The following GRIK2 variants were observed in gnomAD, a reference collection of about 807,000 sequenced individuals.
GRIK2 encodes the protein glutamate receptor ionotropic, kainate 2.
GRIK2 carries 32 observed loss-of-function variants against 100.3 expected under a neutral mutation model. The ratio of observed to expected loss-of-function variants is 0.32; its 90% CI spans 0.24 to 0.43. The LOEUF (loss-of-function observed/expected upper bound fraction) is 0.43, where lower values mean the gene tolerates loss of function less well. GRIK2 is among the 20% of genes least tolerant of loss of function. The probability of loss-of-function intolerance (pLI) is 1.00; values close to 1 mark genes in which losing one functional copy is unlikely to be tolerated. For synonymous variants in GRIK2, 417 were observed against 389.4 expected, an observed-to-expected ratio of 1.07 and a Z score of -0.83; for missense variants, 843 against 1,114.9, an observed-to-expected ratio of 0.76 and a Z score of 3.47.
chr6:102,048,168 G>A (rs1027408307), intron 15 of GRIK2, among the ~76,000 whole-genome samples: 36 of 151,116 alleles, frequency 2.4e-4, no homozygotes, highest in African/African-American at 7.0e-4. Flanking sequence ...AGCAGAAGAC[G>A]TAATTTGGTC....
intron 7 of GRIK2, among the ~76,000 whole-genome samples, chr6:101,732,061 A>G (rs1459086206): frequency 6.6e-6 from 1 of 152,094 alleles, no homozygotes; most frequent in Non-Finnish European, 1.5e-5. Flanking sequence ...CACAAAAATT[A>G]TTATATAATA....
At chr6:101,755,724 T>G (rs1422150345) in intron 7 of GRIK2, among the ~76,000 whole-genome samples, 2 of 152,142 alleles carry the variant, frequency 1.3e-5, no homozygotes, top group Admixed American at 6.6e-5. Context: ...TTTTTGACAT[T>G]TGGAACAGAG....
chr6:101,893,752 A>G (rs1787256890), intron 12 of GRIK2, among the ~76,000 whole-genome samples: 1 of 151,688 alleles, frequency 6.6e-6, no homozygotes, highest in Admixed American at 6.6e-5. Context: ...TATTTATTCA[A>G]CAATATCTAT....
intron 2 of GRIK2, among the ~76,000 whole-genome samples, chr6:101,532,572 A>G (rs1243677924): frequency 6.6e-6 from 1 of 150,672 alleles, no homozygotes; most frequent in Non-Finnish European, 1.5e-5. Flanking sequence ...TGTGTCCTTA[A>G]TATAACACTT....
At chr6:101,393,862 G>A (rs997453191) in intron 1 of GRIK2, among the ~76,000 whole-genome samples, 25 bp downstream of exon 1, 1 of 152,002 alleles carries the variant, frequency 6.6e-6, no homozygotes, top group African/African-American at 2.4e-5. Context: ...GCTGTGGGCT[G>A]CACTCCGGGC....
chr6:101,558,374 C>T (rs2207957), intron 2 of GRIK2, among the ~76,000 whole-genome samples: 2 of 152,136 alleles, frequency 1.3e-5, no homozygotes, highest in Non-Finnish European at 2.9e-5. Context: ...AGTGCTCTAA[C>T]ACAACTGTGT....
chr6:102,041,509 C>T (rs1315197383), intron 15 of GRIK2, among the ~76,000 whole-genome samples: 4 of 151,494 alleles, frequency 2.6e-5, no homozygotes, highest in African/African-American at 9.7e-5. Flanking sequence ...TTTGCATTTG[C>T]TGACCCTCAT....
At chr6:101,867,951 T>A (rs1380138412) in intron 11 of GRIK2, among the ~76,000 whole-genome samples, 1 of 151,726 alleles carries the variant, frequency 6.6e-6, no homozygotes, top group Non-Finnish European at 1.5e-5. Context: ...CAATGTACAC[T>A]ATTAAGTTCC....
chr6:101,601,628 A>G (rs1779217418), intron 2 of GRIK2, among the ~76,000 whole-genome samples: 1 of 151,914 alleles, frequency 6.6e-6, no homozygotes, highest in African/African-American at 2.4e-5. Flanking sequence ...TGATCTGTTC[A>G]GGGTTTTAGT....
chr6:101,741,477 C>G (rs769360059), intron 7 of GRIK2, among the ~76,000 whole-genome samples: 4 of 152,112 alleles, frequency 2.6e-5, no homozygotes, highest in African/African-American at 4.8e-5. Flanking sequence ...ACATTGCAAA[C>G]CCTCAGGAGT....
At chr6:101,667,495 GAA>G (rs1770116217) in intron 4 of GRIK2, among the ~76,000 whole-genome samples, 1 of 152,008 alleles carries the variant, frequency 6.6e-6, no homozygotes, top group Non-Finnish European at 1.5e-5. Flanking sequence ...GTGTGTTTGA[GAA>G]GAGAAAAAAA....
chr6:101,734,141 A>G (rs1404240953), intron 7 of GRIK2, among the ~76,000 whole-genome samples: 1 of 152,092 alleles, frequency 6.6e-6, no homozygotes, highest in Non-Finnish European at 1.5e-5. Flanking sequence ...CTTGTTACCA[A>G]AATCTGTATT....
At chr6:101,566,072 C>T (rs1023183511) in intron 2 of GRIK2, among the ~76,000 whole-genome samples, 1 of 151,014 alleles carries the variant, frequency 6.6e-6, no homozygotes, top group African/African-American at 2.4e-5. Flanking sequence ...CATCTTCATA[C>T]TGAGTAAGCT....
At chr6:102,020,848 G>A (rs527454412) in intron 14 of GRIK2, among the ~76,000 whole-genome samples, 9 of 151,784 alleles carry the variant, frequency 5.9e-5, no homozygotes, top group South Asian at 2.1e-4. Context: ...AGGATATTCC[G>A]AAGGAACAAT....
chr6:101,933,417 A>G (rs1303842013), intron 14 of GRIK2, among the ~76,000 whole-genome samples: 2 of 151,984 alleles, frequency 1.3e-5, no homozygotes. Context: ...AAAACTAGCC[A>G]GCTGATACTT....
chr6:101,605,853 G>A (rs929272900), intron 2 of GRIK2, among the ~76,000 whole-genome samples: 1 of 151,948 alleles, frequency 6.6e-6, no homozygotes, highest in East Asian at 1.9e-4. Flanking sequence ...ACTTTGTAGA[G>A]AGCAACTGAT....
intron 2 of GRIK2, among the ~76,000 whole-genome samples, chr6:101,522,936 CTATT>C (rs1327963839): frequency 6.6e-6 from 1 of 150,460 alleles, no homozygotes; most frequent in Non-Finnish European, 1.5e-5. Context: ...TATATTTAAT[CTATT>C]TATTAAATTA....
At chr6:102,042,689 G>GA (rs895604553) in intron 15 of GRIK2, among the ~76,000 whole-genome samples, 6 of 151,482 alleles carry the variant, frequency 4.0e-5, no homozygotes, top group African/African-American at 1.5e-4. Context: ...ATTAGATTTG[G>GA]AAAAAAGCAT....
intron 4 of GRIK2, among the ~76,000 whole-genome samples, chr6:101,659,631 G>A (rs986460400): frequency 2.6e-4 from 39 of 152,062 alleles, no homozygotes; most frequent in African/African-American, 8.7e-4. Context: ...TCCATATTTA[G>A]TGCTTCCTTC....
Sources: allele counts gnomAD v4.1 joint callset (sites outside exome capture counted in the v4.1 genomes callset), GRCh38; gene constraint gnomAD v4.1.1; transcripts MANE v1.5; gene names NCBI Gene and HGNC (gene_info 2026-07-23, HGNC 2026-07-21).